The following KEL variants were observed in gnomAD, a reference collection of about 807,000 sequenced individuals.
KEL encodes the protein Kell metallo-endopeptidase (Kell blood group).
KEL carries 96 observed loss-of-function variants against 99.5 expected under a neutral mutation model. The observed-to-expected ratio is 0.97, with a 90% CI of 0.82 to 1.14. KEL has a LOEUF of 1.14. KEL is among the 50% of genes most tolerant of loss of function. The probability of loss-of-function intolerance (pLI) is 0.00; values close to 1 mark genes in which losing one functional copy is unlikely to be tolerated. For synonymous variants in KEL, 355 were observed against 354.8 expected (o/e 1.00, Z -0.01); for missense variants, 926 against 924.2 (o/e 1.00, Z -0.03).
intron 4 of KEL, among the ~76,000 whole-genome samples, chr7:142,958,669 C>T (rs1395867296): frequency 6.6e-6 from 1 of 152,060 alleles, no homozygotes; most frequent in Non-Finnish European, 1.5e-5. Flanking sequence ...TTGAAATGGC[C>T]CTGCAAAGCT....
chr7:142,953,994 A>G, intron 8 of KEL, 38 bp from the exon 9 acceptor site: 1 of 1,610,356 alleles, frequency 6.2e-7, no homozygotes, highest in African/African-American at 1.3e-5. Flanking sequence ...GGAAAAGGAA[A>G]AGAGAAGGAA....
At chr7:142,942,083 A>C in intron 18 of KEL, 1 of 327,730 alleles carries the variant, frequency 3.1e-6, no homozygotes, top group Non-Finnish European at 5.7e-6. Flanking sequence ...TGCCAGGATT[A>C]CAGGTGTGAG....
At chr7:142,948,259 G>T (rs1396916070) in intron 10 of KEL, among the ~76,000 whole-genome samples, 1 of 152,068 alleles carries the variant, frequency 6.6e-6, no homozygotes, top group East Asian at 1.9e-4. Flanking sequence ...TGCAAAGGGA[G>T]AGTCAGAGAG....
In KEL at chr7:142,962,241, G is replaced by A. The variant is rs368178327; in HGVS notation, c.-35C>T. ...TTCTGTGGCTCCAGAATCCTTCCTG[G>A]TTCCACTCTAGGAGCTGATTCGGAG... On this transcript the variant is annotated 5_prime_UTR_variant, in exon 1 of 19. Transcript: ENST00000355265. 3 of 1,614,002 alleles carry A rather than the reference G, an allele frequency of 1.9e-6. No individual in the cohort carries two copies. Among genetic ancestry groups the A allele is most frequent in the Non-Finnish European group, 2.5e-6 (3 of 1,179,898 alleles).
rs1233864422 is a variant in KEL at position 142,942,630 on chromosome 7, G to C, written c.1942-101C>G. 3.2e-6 allele frequency: 3 copies of C among 932,974 alleles called. No homozygotes were observed. The African/African-American group carries it at 4.9e-5, about 15-fold the overall frequency. The allele number at this position is 932,974 out of a possible 1,614,324, so 57.8% of individuals were successfully genotyped here. A position where few individuals can be genotyped will look rare whatever the true frequency, so the allele number is the denominator to read the frequency against. On this transcript the variant is annotated intron_variant, in intron 17 of 18. Transcript: ENST00000355265. ...CAAAACCCATGGCCCTTGCTCACTG[G>C]TTCTGCACTGACTAGTTGATCTGAG...
chr7:142,961,774 C>T, intron 2 of KEL, 21 bp downstream of exon 2: 3 of 1,600,970 alleles, frequency 1.9e-6, no homozygotes, highest in Non-Finnish European at 2.6e-6. Flanking sequence ...TATTCCAGAC[C>T]CAGGAGAGGA....
chr7:142,943,858 T>G lies in KEL; in HGVS notation c.1517A>C (p.Gln506Pro), dbSNP rs773221460. 3 of 1,614,122 alleles carry G rather than the reference T, an allele frequency of 1.9e-6. No homozygotes were observed. The part of the protein sequence containing the change: ...NDIQLGSSFL[Q>P]SVLSCVRSLR... ...GGACCGGACACAGCTCAGGACAGAC[T>G]GCAGGAAGCTCGATCCAAGCTGTAT... The change falls in exon 14 of 19, where the codon CAG (glutamine) becomes CCG (proline). Residue 506 changes from glutamine (Q) to proline (P), a missense_variant. Physicochemically the swap from Gln to Pro is moderately conservative, Grantham distance 76. Coordinates refer to ENST00000355265, the MANE Select transcript of KEL (RefSeq NM_000420.3).
At chr7:142,960,848 C>T (rs1257463480) in intron 4 of KEL, 80 bp downstream of exon 4, 1 of 1,374,510 alleles carries the variant, frequency 7.3e-7, no homozygotes, top group Non-Finnish European at 1.0e-6. Flanking sequence ...CACAACTACA[C>T]AGGGTTTGGA....
intron 18 of KEL, 48 bp from the exon 19 acceptor site, chr7:142,941,461 G>T (rs778820129): frequency 6.6e-7 from 1 of 1,524,426 alleles, no homozygotes; most frequent in Non-Finnish European, 8.8e-7. Context: ...ACAGGACAAA[G>T]CTGACCCGGT....
intron 10 of KEL, chr7:142,946,688 G>T: frequency 3.2e-6 from 1 of 316,432 alleles, no homozygotes; most frequent in African/African-American, 2.1e-5. Context: ...CTCTACTCCG[G>T]GGTCCCAGCA....
At chr7:142,950,972 T>G (rs915507634) in intron 10 of KEL, among the ~76,000 whole-genome samples, 1 of 152,190 alleles carries the variant, frequency 6.6e-6, no homozygotes, top group Non-Finnish European at 1.5e-5. Context: ...CCTCCAAGTG[T>G]TTCTGGAAGA....
chr7:142,961,203 A>T, intron 3 of KEL, 99 bp from the exon 4 acceptor site: 1 of 1,517,856 alleles, frequency 6.6e-7, no homozygotes, highest in East Asian at 2.3e-5. Flanking sequence ...CTAAGTGGGG[A>T]GCTGATGAAA....
At chr7:142,948,738 TA>T (rs1370524462) in intron 10 of KEL, among the ~76,000 whole-genome samples, 1 of 152,044 alleles carries the variant, frequency 6.6e-6, no homozygotes, top group Non-Finnish European at 1.5e-5. Context: ...CAAACTCCAA[TA>T]GGGGCCATGC....
chr7:142,944,619 A>G lies in KEL; in HGVS notation c.1413+24T>C, dbSNP rs1374380948. On this transcript the variant is annotated intron_variant, in intron 12 of 18. Transcript: ENST00000355265. ...CTCCATTCCCTGCACAGGCTCCCAC[A>G]CCAGCCAGGACGCCTGGCCTGACCT... 3.8e-6 allele frequency: 6 copies of G among 1,573,004 alleles called. No homozygotes were observed. In the African/African-American group the frequency reaches 6.8e-5, roughly 18 times the overall value.
At position 142,954,475 on chromosome 7, in the gene KEL, A is replaced by T. The variant is rs1271095464; in HGVS notation, c.725T>A (p.Ile242Asn). ...VPLKQDQEQK[I>N]YAQIFREYLT... ...CATGTGCCATCTTACCTGGGCATAG[A>T]TCTTCTGTTCTTGATCTTGCTTGAG... Residue 242 changes from isoleucine (I) to asparagine (N), a missense_variant, in exon 7 of 19, where the codon ATC becomes AAC. Ile to Asn is a moderately radical substitution (Grantham distance 149, BLOSUM62 -3). Coordinates refer to ENST00000355265, the MANE Select transcript of KEL (RefSeq NM_000420.3). The T allele has an allele frequency of 1.9e-5, 31 of 1,613,906 alleles. No homozygotes were observed. Among genetic ancestry groups the T allele is most frequent in the Non-Finnish European group, 2.5e-5 (30 of 1,179,958 alleles).
At position 142,957,809 on chromosome 7, in the gene KEL, C is replaced by T. The variant is rs200611621; in HGVS notation, c.672+18G>A. On this transcript the variant is annotated intron_variant, in intron 6 of 18. Coordinates refer to ENST00000355265, the MANE Select transcript of KEL (RefSeq NM_000420.3). ...GGCAGGCCAGGTCCAACTGTGTCTTCGCCAGTGCATCCCTCACCTGGATGA... is the reference window on the plus strand; with the variant it reads ...GGCAGGCCAGGTCCAACTGTGTCTTTGCCAGTGCATCCCTCACCTGGATGA... 49 of 1,613,800 alleles carry T rather than the reference C, an allele frequency of 3.0e-5. 1 individual carries two copies. Among genetic ancestry groups the T allele is most frequent in the Non-Finnish European group, 3.6e-5 (43 of 1,179,924 alleles).
At chr7:142,942,571 C>T (rs1796389891) in intron 17 of KEL, 42 bp from the exon 18 acceptor site, 5 of 1,440,442 alleles carry the variant, frequency 3.5e-6, no homozygotes, top group Non-Finnish European at 4.8e-6. Context: ...GGCTCTAGAC[C>T]TGTGGCCATT....
In KEL at chr7:142,953,819, C is replaced by T; in HGVS notation, c.1062G>A (p.Leu354=). 6.2e-7 allele frequency: 1 copy of T among 1,614,186 alleles called. No individual in the cohort carries two copies. Among genetic ancestry groups the T allele is most frequent in the Non-Finnish European group, 8.5e-7 (1 of 1,180,038 alleles). ...KNMSQLVEEM[L]LKQRDFLQSH... ...CACCTGCGGCGAACCTCTGCTTTAG[C>T]AGCATCTCCTCCACCAGTTGTGACA... Residue 354 remains leucine, a synonymous_variant, in exon 9 of 19, where the codon CTG becomes CTA. Coordinates refer to ENST00000355265, the MANE Select transcript of KEL (RefSeq NM_000420.3).
chr7:142,954,593 G>C, intron 6 of KEL, 66 bp from the exon 7 acceptor site: 1 of 1,399,558 alleles, frequency 7.1e-7, no homozygotes, highest in Non-Finnish European at 1.0e-6. Context: ...GTGTGGGGAG[G>C]TGGGGAATAT....
Sources: gnomAD v4.1 joint callset for allele counts (sites outside exome capture counted in the v4.1 genomes callset) on GRCh38, gnomAD v4.1.1 for gene constraint, MANE v1.5 for transcripts, NCBI Gene and HGNC (gene_info 2026-07-23, HGNC 2026-07-21) for gene names.